Variants in TMEM132C observed in about 807,000 individuals in gnomAD.
TMEM132C encodes the protein protein phosphatase 1, regulatory subunit 152.
A neutral mutation model predicts 61.4 loss-of-function variants in TMEM132C; 29 were observed. That is an observed-to-expected ratio of 0.47 (90% CI 0.35 to 0.64). The LOEUF is 0.64. Ranked by LOEUF, TMEM132C falls within the 30% of genes least tolerant of loss-of-function variation. TMEM132C has a pLI of 0.00. For missense variants in TMEM132C, 1,408 were observed against 1,476.9 expected, an observed-to-expected ratio of 0.95 and a Z score of 0.76; for synonymous variants, 656 against 633.1, an observed-to-expected ratio of 1.04 and a Z score of -0.54.
intron 1 of TMEM132C, among the ~76,000 whole-genome samples, chr12:128,335,578 TATC>T (rs1455036242): frequency 6.6e-6 from 1 of 152,226 alleles, no homozygotes; most frequent in Non-Finnish European, 1.5e-5. Context: ...CTCTTTTGAT[TATC>T]ATTGTAGCTC....
intron 3 of TMEM132C, among the ~76,000 whole-genome samples, chr12:128,594,840 C>A (rs1214462346): frequency 6.6e-6 from 1 of 152,250 alleles, no homozygotes; most frequent in Non-Finnish European, 1.5e-5. Flanking sequence ...ACTCTCCATG[C>A]AGGCAGCTTC....
rs1051383499 is a variant in TMEM132C, at chr12:128,648,877, G to A, written c.1306-20540G>A. Among the ~76,000 whole-genome samples the A allele has an allele frequency of 1.4e-5, 2 of 143,396 alleles. 1 individual carries two copies. Among genetic ancestry groups the A allele is most frequent in the South Asian group, 4.2e-4 (2 of 4,738 alleles). The allele number at this position is 143,396 out of a possible 152,430, so 94.1% of individuals were successfully genotyped here. ...CAGCATTGGATGAGTGTGTTTACTG[G>A]AGTCCATCAGCATTGGATATGGGTG... is the stretch of plus-strand genomic sequence containing the variant. On this transcript the variant is annotated intron_variant, in intron 4 of 8. Coordinates refer to ENST00000435159, the MANE Select transcript of TMEM132C (RefSeq NM_001136103.3).
chr12:128,667,736 T>C (rs1954492781), intron 4 of TMEM132C, among the ~76,000 whole-genome samples: 1 of 152,188 alleles, frequency 6.6e-6, no homozygotes, highest in African/African-American at 2.4e-5. Flanking sequence ...CCCTTTTTCA[T>C]TTTCATCTGT....
At chr12:128,427,643 C>T (rs964604499) in intron 2 of TMEM132C, among the ~76,000 whole-genome samples, 2 of 152,066 alleles carry the variant, frequency 1.3e-5, no homozygotes, top group Non-Finnish European at 2.9e-5. Context: ...CATCCAGCTA[C>T]GTTAGGTGAA....
intron 3 of TMEM132C, among the ~76,000 whole-genome samples, chr12:128,588,730 C>G (rs1222508370): frequency 6.6e-6 from 1 of 152,124 alleles, no homozygotes; most frequent in Non-Finnish European, 1.5e-5. Flanking sequence ...TTCCTTCCAC[C>G]AAGTGAGGAC....
intron 2 of TMEM132C, among the ~76,000 whole-genome samples, chr12:128,472,655 G>C (rs1870991465): frequency 6.6e-6 from 1 of 152,214 alleles, no homozygotes; most frequent in African/African-American, 2.4e-5. Context: ...AATATCCCTG[G>C]TGGGATCAGG....
chr12:128,323,305 T>C (rs1260708036), intron 1 of TMEM132C, among the ~76,000 whole-genome samples: 5 of 152,166 alleles, frequency 3.3e-5, no homozygotes, highest in Non-Finnish European at 7.3e-5. Context: ...GAAGACAAAG[T>C]GTCAGGTCCA....
At chr12:128,538,513 C>G (rs1873618090) in intron 2 of TMEM132C, among the ~76,000 whole-genome samples, 3 of 152,208 alleles carry the variant, frequency 2.0e-5, no homozygotes. Context: ...TCCCACCTCC[C>G]AAAGTTCTGG....
At chr12:128,524,911 C>T (rs192014167) in intron 2 of TMEM132C, among the ~76,000 whole-genome samples, 6 of 152,292 alleles carry the variant, frequency 3.9e-5, no homozygotes, top group Admixed American at 6.5e-5. Flanking sequence ...TCTGTGAATA[C>T]GGAAATGCCC....
intron 1 of TMEM132C, chr12:128,400,130 C>A (rs1003789108): frequency 2.0e-5 from 3 of 152,208 alleles, no homozygotes; most frequent in African/African-American, 7.2e-5. Context: ...AGAAAACCCT[C>A]GCGCACTGAG....
intron 1 of TMEM132C, among the ~76,000 whole-genome samples, chr12:128,369,007 C>T (rs1873952962): frequency 1.3e-5 from 2 of 152,312 alleles, no homozygotes; most frequent in African/African-American, 4.8e-5. Context: ...TCTATGGGGG[C>T]ATTTCAGTGT....
intron 1 of TMEM132C, among the ~76,000 whole-genome samples, chr12:128,305,363 A>G (rs578148275): frequency 1.3e-5 from 2 of 152,214 alleles, no homozygotes; most frequent in African/African-American, 4.8e-5. Context: ...TAACATTTTA[A>G]TTATCTTGAT....
chr12:128,425,122 G>A (rs1593048697), intron 2 of TMEM132C, among the ~76,000 whole-genome samples: 1 of 152,142 alleles, frequency 6.6e-6, no homozygotes, highest in Non-Finnish European at 1.5e-5. Context: ...ACTTGAAAGG[G>A]CCTCAGCATC....
intron 1 of TMEM132C, among the ~76,000 whole-genome samples, chr12:128,329,390 C>T (rs748883931): frequency 8.6e-5 from 13 of 152,020 alleles, no homozygotes; most frequent in Non-Finnish European, 1.5e-4. Context: ...CTTTGAGGAC[C>T]GAGGACTGCA....
intron 2 of TMEM132C, among the ~76,000 whole-genome samples, chr12:128,453,131 G>A (rs549308213): frequency 4.6e-5 from 7 of 152,298 alleles, no homozygotes; most frequent in South Asian, 2.1e-4. Flanking sequence ...GCAGTGTGAC[G>A]GAGTGTCCCT....
At chr12:128,705,017 G>A (rs1051017478) in intron 8 of TMEM132C, 73 bp from the exon 9 acceptor site, 64 of 1,434,576 alleles carry the variant, frequency 4.5e-5, no homozygotes, top group South Asian at 1.2e-4. Context: ...TTCATTGGGC[G>A]TCCTCCTAGG....
At chr12:128,313,564 T>G (rs1245893254) in intron 1 of TMEM132C, among the ~76,000 whole-genome samples, 1 of 152,232 alleles carries the variant, frequency 6.6e-6, no homozygotes, top group Non-Finnish European at 1.5e-5. Context: ...ATTAAGGACT[T>G]GCTGGCCCAA....
chr12:128,574,835 A>G (rs1875030966), intron 3 of TMEM132C, among the ~76,000 whole-genome samples: 1 of 152,192 alleles, frequency 6.6e-6, no homozygotes, highest in African/African-American at 2.4e-5. Context: ...TGCATTCTCC[A>G]GTTGTCCTTG....
At chr12:128,348,545 G>A (rs1018290454) in intron 1 of TMEM132C, among the ~76,000 whole-genome samples, 15 of 152,220 alleles carry the variant, frequency 9.9e-5, no homozygotes, top group African/African-American at 3.6e-4. Context: ...TCACTATGAA[G>A]TATGATGGCA....
Sources: allele counts gnomAD v4.1 joint callset (sites outside exome capture counted in the v4.1 genomes callset), GRCh38; gene constraint gnomAD v4.1.1; transcripts MANE v1.5; gene names NCBI Gene and HGNC (gene_info 2026-07-23, HGNC 2026-07-21).